Variants in UIMC1 observed in about 807,000 individuals in gnomAD.
UIMC1 encodes ubiquitin interaction motif containing 1.
UIMC1 carries 42 observed loss-of-function variants against 84.9 expected under a neutral mutation model. That is an observed-to-expected ratio of 0.49 (90% confidence interval 0.39 to 0.64). The LOEUF (loss-of-function observed/expected upper bound fraction) is 0.64. Among genes scored for constraint, UIMC1 ranks in the 30% least tolerant of loss-of-function variants. The pLI is 0.00. For missense variants in UIMC1, 825 were observed against 847.6 expected, an observed-to-expected ratio of 0.97 and a Z score of 0.33; for synonymous variants, 281 against 293.0, an observed-to-expected ratio of 0.96 and a Z score of 0.42.
At chr5:176,953,381 T>C (rs1415228462) in intron 8 of UIMC1, among the ~76,000 whole-genome samples, 3 of 152,104 alleles carry the variant, frequency 2.0e-5, no homozygotes, top group Admixed American at 6.6e-5. Flanking sequence ...GTCAGGCAAA[T>C]AGGGCATCTG....
intron 6 of UIMC1, among the ~76,000 whole-genome samples, chr5:176,958,677 G>C (rs911424082): frequency 2.6e-5 from 4 of 152,306 alleles, no homozygotes; most frequent in African/African-American, 9.6e-5. Context: ...GACATCTAAA[G>C]GGAAGGTTAC....
intron 10 of UIMC1, among the ~76,000 whole-genome samples, chr5:176,920,558 GT>G (rs150476630): frequency 3.7e-4 from 57 of 152,168 alleles, no homozygotes; most frequent in African/African-American, 1.3e-3. Flanking sequence ...AAATGTAACT[GT>G]TTTCTTAAAT....
At chr5:177,010,058 A>C (rs543123395), upstream of UIMC1, among the ~76,000 whole-genome samples, 2 of 151,976 alleles carry the variant, frequency 1.3e-5, no homozygotes, top group Non-Finnish European at 2.9e-5. Flanking sequence ...AAAAAAAATA[A>C]GCAAACAAGT....
intron 1 of UIMC1, among the ~76,000 whole-genome samples, chr5:177,017,261 T>C (rs1384997450): frequency 6.6e-6 from 1 of 152,176 alleles, no homozygotes; most frequent in Non-Finnish European, 1.5e-5. Context: ...TAGTTTGAGA[T>C]GTGTTCTTAG....
intron 10 of UIMC1, among the ~76,000 whole-genome samples, chr5:176,914,491 T>C (rs770649163): frequency 5.9e-5 from 9 of 152,144 alleles, no homozygotes; most frequent in African/African-American, 1.2e-4. Flanking sequence ...TGGGGAGATA[T>C]AGGAAATTAT....
chr5:176,998,754 C>T (rs1774012643), intron 1 of UIMC1, among the ~76,000 whole-genome samples: 1 of 151,812 alleles, frequency 6.6e-6, no homozygotes, highest in South Asian at 2.1e-4. Context: ...GCAATAAGAG[C>T]AAAACTCCGT....
At chr5:176,915,424 A>G (rs1760843357) in intron 10 of UIMC1, among the ~76,000 whole-genome samples, 1 of 151,700 alleles carries the variant, frequency 6.6e-6, no homozygotes, top group Non-Finnish European at 1.5e-5. Flanking sequence ...AACCCTACAA[A>G]GAATATATCA....
chr5:176,941,649 G>A (rs527544464), intron 10 of UIMC1, among the ~76,000 whole-genome samples: 1 of 152,230 alleles, frequency 6.6e-6, no homozygotes, highest in African/African-American at 2.4e-5. Context: ...GTAGCACTGA[G>A]AAGAACACTG....
At chr5:176,925,980 A>G (rs1762344867) in intron 10 of UIMC1, among the ~76,000 whole-genome samples, 1 of 152,222 alleles carries the variant, frequency 6.6e-6, no homozygotes, top group Non-Finnish European at 1.5e-5. Flanking sequence ...AAAACATAAC[A>G]TGGATTAAAG....
chr5:176,969,190 T>A lies in UIMC1; in HGVS notation c.565A>T (p.Thr189Ser). The A allele has an allele frequency of 6.2e-7, 1 of 1,614,164 alleles. No homozygotes were observed. Among genetic ancestry groups the A allele is most frequent in the Non-Finnish European group, 8.5e-7 (1 of 1,180,026 alleles). The part of the protein sequence containing the change: ...REEPWDHTEK[T>S]EEEPVSGSSG... ...CTGCCAGAGACCGGCTCCTCTTCAG[T>A]TTTTTCAGTGTGGTCCCAAGGCTCC... is the stretch of plus-strand genomic sequence containing the variant. Residue 189 changes from threonine to serine, a missense_variant, in exon 6 of 15, where the codon ACT becomes TCT. Physicochemically the swap from Thr to Ser is moderately conservative, Grantham distance 58. Transcript: ENST00000511320.
intron 6 of UIMC1, 22 bp from the exon 7 acceptor site, chr5:176,958,176 C>T (rs201908239): frequency 6.5e-4 from 1,044 of 1,604,772 alleles, no homozygotes; most frequent in Non-Finnish European, 8.2e-4. Context: ...TACGTAGTAT[C>T]TTAAATATAC....
At chr5:176,977,603 G>GA (rs1180404200) in intron 2 of UIMC1, among the ~76,000 whole-genome samples, 2,496 of 115,560 alleles carry the variant, frequency 0.022, 31 homozygotes, top group African/African-American at 0.044. Flanking sequence ...AAAAAGAAAA[G>GA]AAAAAAAAAA....
intron 6 of UIMC1, among the ~76,000 whole-genome samples, chr5:176,967,776 A>G (rs1768521125): frequency 6.6e-6 from 1 of 151,908 alleles, no homozygotes; most frequent in South Asian, 2.1e-4. Flanking sequence ...AGTAGCGTGC[A>G]CCTATGGTCC....
chr5:176,988,440 T>C (rs1168148805), intron 1 of UIMC1, among the ~76,000 whole-genome samples: 1 of 152,104 alleles, frequency 6.6e-6, no homozygotes, highest in Non-Finnish European at 1.5e-5. Flanking sequence ...TATTGTATGA[T>C]TCTATTTATA....
intron 1 of UIMC1, among the ~76,000 whole-genome samples, chr5:177,002,816 T>A (rs753335088): frequency 6.6e-6 from 1 of 151,928 alleles, no homozygotes; most frequent in African/African-American, 2.4e-5. Flanking sequence ...ATAATAATAA[T>A]AAATATTTGA....
At chr5:176,936,086 C>G (rs543773184) in intron 10 of UIMC1, among the ~76,000 whole-genome samples, 3 of 152,290 alleles carry the variant, frequency 2.0e-5, no homozygotes, top group African/African-American at 7.2e-5. Context: ...TAGTTCTACC[C>G]AACTAGTGGC....
intron 9 of UIMC1, among the ~76,000 whole-genome samples, chr5:176,943,779 ACT>A (rs1764746302): frequency 6.6e-6 from 1 of 152,304 alleles, no homozygotes; most frequent in East Asian, 1.9e-4. Flanking sequence ...TGTATTAAAC[ACT>A]CTATATGTAT....
chr5:176,958,799 GA>G (rs1447108699), intron 6 of UIMC1, among the ~76,000 whole-genome samples: 1 of 152,196 alleles, frequency 6.6e-6, no homozygotes, highest in Non-Finnish European at 1.5e-5. Context: ...TATTTTCATT[GA>G]TTCAAAAATT....
chr5:176,969,057 G>A lies in UIMC1; in HGVS notation c.698C>T (p.Pro233Leu). 1 of 1,614,156 alleles carries A rather than the reference G, an allele frequency of 6.2e-7. No homozygotes were observed. The highest frequency in any genetic ancestry group is 8.5e-7 in the Non-Finnish European group (1 of 1,180,020). ...AGAACCCCTCCCAGTACTTTCCTGT[G>A]GCTTCCCACACTGTGTGTGCTCAGC... ...HSAEHTQCGK[P>L]QESTGRGSAF... is the part of the protein sequence containing the mutation. The change falls in exon 6 of 15, where the codon CCA (proline) becomes CTA (leucine). Residue 233 changes from proline to leucine, a missense_variant. Transcript: ENST00000511320.
Sources: gnomAD v4.1 joint callset for allele counts (sites outside exome capture counted in the v4.1 genomes callset) on GRCh38, gnomAD v4.1.1 for gene constraint, MANE v1.5 for transcripts, NCBI Gene and HGNC (gene_info 2026-07-23, HGNC 2026-07-21) for gene names.